TRMT11: variants seen among roughly 807,000 people sequenced by gnomAD.
TRMT11 encodes the protein tRNA methyltransferase 11, also known as tRNA (guanine(10)-N(2))-methyltransferase TRMT11.
In TRMT11, 53 loss-of-function variants were observed where a neutral mutation model predicts 62.8. That is an observed-to-expected ratio of 0.84 (90% CI 0.68 to 1.06). The LOEUF (loss-of-function observed/expected upper bound fraction) is 1.06, where lower values mean the gene tolerates loss of function less well. Among genes scored for constraint, TRMT11 ranks in the 50% least tolerant of loss-of-function variants. TRMT11 has a pLI of 0.00. For synonymous variants in TRMT11, 188 were observed against 190.3 expected (o/e 0.99, Z 0.10); for missense variants, 556 against 553.4 (o/e 1.00, Z -0.05).
intron 1 of TRMT11, among the ~76,000 whole-genome samples, chr6:126,185,823 G>T (rs1181840570): frequency 6.6e-6 from 1 of 152,156 alleles, no homozygotes; most frequent in Non-Finnish European, 1.5e-5. Flanking sequence ...CTCTTCACAA[G>T]GCTGCAGGAG....
intron 16 of TRMT11, among the ~76,000 whole-genome samples, chr6:126,044,782 C>T (rs1241261771): frequency 6.6e-6 from 1 of 152,110 alleles, no homozygotes; most frequent in Non-Finnish European, 1.5e-5. Flanking sequence ...GTTCCCTAAG[C>T]TTAATATTTC....
intron 21 of TRMT11, among the ~76,000 whole-genome samples, chr6:126,150,116 G>A (rs1778021557): frequency 6.6e-6 from 1 of 152,084 alleles, no homozygotes; most frequent in African/African-American, 2.4e-5. Context: ...ATGGATTAAT[G>A]GACTAATGGA....
At chr6:126,206,960 A>G (rs753054174), downstream of TRMT11, among the ~76,000 whole-genome samples, 5 of 152,228 alleles carry the variant, frequency 3.3e-5, no homozygotes, top group Non-Finnish European at 5.9e-5. Flanking sequence ...TCTTTTTGGC[A>G]GAAGAAGTTT....
At chr6:125,986,652 G>C (rs779044377) in intron 1 of TRMT11, 30 bp downstream of exon 1, 2 of 1,555,720 alleles carry the variant, frequency 1.3e-6, no homozygotes, top group Non-Finnish European at 8.7e-7. Flanking sequence ...CGGAACTTCC[G>C]ACGGAAGAGG....
At position 126,094,095 on chromosome 6, in the gene TRMT11, A is replaced by G. The variant is rs1777313654; in HGVS notation, c.*1438-18771A>G. On this transcript the variant is annotated intron_variant and NMD_transcript_variant, in intron 17 of 22. Coordinates refer to the TRMT11 transcript ENST00000648977. ...AGCAGTGTAATAGAAAATGTGATAC[A>G]CACACACACACACACACACACCCCA... Among the ~76,000 whole-genome samples the G allele has an allele frequency of 1.4e-5, 2 of 147,692 alleles. 1 individual carries two copies. Among genetic ancestry groups the G allele is most frequent in the South Asian group, 4.2e-4 (2 of 4,740 alleles).
rs374261697 is a variant in TRMT11 at position 126,115,192 on chromosome 6, G to A, written c.*1562-153G>A. Among the ~76,000 whole-genome samples the A allele has an allele frequency of 6.8e-4, 104 of 152,122 alleles. 1 individual carries two copies. In the South Asian group the frequency reaches 0.016, roughly 24 times the overall value. ...CAGCGAGAGTGCCTTCAAGGCAGAGGGCTTCCTCCCCTATACTTCACCTCC... is the reference window on the plus strand; with the variant it reads ...CAGCGAGAGTGCCTTCAAGGCAGAGAGCTTCCTCCCCTATACTTCACCTCC... On this transcript the variant is annotated intron_variant and NMD_transcript_variant, in intron 19 of 22. Coordinates refer to the TRMT11 transcript ENST00000648977.
chr6:126,156,967 G>T (rs1298751122), intron 21 of TRMT11, among the ~76,000 whole-genome samples: 1 of 152,096 alleles, frequency 6.6e-6, no homozygotes, highest in African/African-American at 2.4e-5. Context: ...TCTTCAGCTG[G>T]GTCCACTCCT....
chr6:126,016,037 TTTC>T (rs1286239606), intron 11 of TRMT11, among the ~76,000 whole-genome samples: 1 of 152,190 alleles, frequency 6.6e-6, no homozygotes, highest in East Asian at 1.9e-4. Flanking sequence ...GAATCATCAT[TTTC>T]TTCTTTGATT....
intron 12 of TRMT11, among the ~76,000 whole-genome samples, chr6:126,030,877 TTGA>T (rs2128041745): frequency 6.6e-6 from 1 of 152,314 alleles, no homozygotes; most frequent in South Asian, 2.1e-4. Flanking sequence ...ATTTTATAAA[TTGA>T]TGACCATTGT....
the TRMT11 span, chr6:126,258,315 C>G: frequency 2.4e-6 from 1 of 422,136 alleles, no homozygotes; most frequent in South Asian, 1.9e-5. Flanking sequence ...CTGCCCCGCC[C>G]TGGGGCCAGG....
At chr6:126,268,452 G>C in the TRMT11 span, among the ~76,000 whole-genome samples, 1 of 152,132 alleles carries the variant, frequency 6.6e-6, no homozygotes, top group African/African-American at 2.4e-5. Context: ...TGGGATGAGG[G>C]GGCATACCAG....
the TRMT11 span, among the ~76,000 whole-genome samples, chr6:126,221,070 T>C: frequency 4.6e-5 from 7 of 152,204 alleles, no homozygotes; most frequent in African/African-American, 1.7e-4. Flanking sequence ...GCTCTATCCA[T>C]GTTGCTGCAA....
chr6:126,163,090 A>ACTC (rs1169616008), intron 21 of TRMT11, among the ~76,000 whole-genome samples: 17 of 152,236 alleles, frequency 1.1e-4, no homozygotes, highest in African/African-American at 3.6e-4. Flanking sequence ...AACTTCCAAT[A>ACTC]CTAGGTTGAG....
chr6:126,117,673 G>A (rs933172601), intron 21 of TRMT11, among the ~76,000 whole-genome samples: 5 of 152,016 alleles, frequency 3.3e-5, no homozygotes, highest in African/African-American at 1.2e-4. Context: ...TAACTTAAAG[G>A]AGAATGAATG....
At chr6:126,083,565 A>G (rs1449535928) in intron 17 of TRMT11, among the ~76,000 whole-genome samples, 1 of 152,162 alleles carries the variant, frequency 6.6e-6, no homozygotes, top group African/African-American at 2.4e-5. Context: ...ACAGATTATT[A>G]TAGTGAAGCA....
At chr6:125,994,687 G>A (rs1290245107) in intron 2 of TRMT11, among the ~76,000 whole-genome samples, 3 of 152,126 alleles carry the variant, frequency 2.0e-5, no homozygotes, top group African/African-American at 7.2e-5. Flanking sequence ...ATTCACAATA[G>A]CAAAGCATAG....
intron 1 of TRMT11, among the ~76,000 whole-genome samples, chr6:126,191,236 CTTCTT>C (rs1778595020): frequency 1.3e-5 from 2 of 152,000 alleles, no homozygotes; most frequent in African/African-American, 4.8e-5. Context: ...ATTTATATGT[CTTCTT>C]TTGAGAAATG....
At chr6:126,066,211 G>A (rs553259040) in intron 17 of TRMT11, among the ~76,000 whole-genome samples, 1 of 152,238 alleles carries the variant, frequency 6.6e-6, no homozygotes, top group African/African-American at 2.4e-5. Context: ...GCTGGATCCT[G>A]TGGGGTCAGA....
chr6:126,079,880 A>G (rs1347354918), intron 17 of TRMT11, among the ~76,000 whole-genome samples: 1 of 152,194 alleles, frequency 6.6e-6, no homozygotes, highest in African/African-American at 2.4e-5. Flanking sequence ...TTCCTGGAGT[A>G]GTAAAAGGCC....
Sources: gnomAD v4.1 joint callset for allele counts (sites outside exome capture counted in the v4.1 genomes callset) on GRCh38, gnomAD v4.1.1 for gene constraint, MANE v1.5 for transcripts, NCBI Gene and HGNC (gene_info 2026-07-23, HGNC 2026-07-21) for gene names.